Variants in PTPN12 observed in about 807,000 individuals in gnomAD.
PTPN12 encodes tyrosine-protein phosphatase non-receptor type 12.
A neutral mutation model predicts 97.6 loss-of-function variants in PTPN12; 29 were observed. That is an observed-to-expected ratio of 0.30 (90% CI 0.22 to 0.41). The LOEUF (loss-of-function observed/expected upper bound fraction) is 0.41. Among genes scored for constraint, PTPN12 ranks in the 10% least tolerant of loss-of-function variants. The pLI is 1.00. For synonymous variants in PTPN12, 327 were observed against 300.4 expected (o/e 1.09, Z -0.91); for missense variants, 819 against 926.0 (o/e 0.88, Z 1.50).
At chr7:77,595,513 C>A (rs1361027681) in intron 6 of PTPN12, among the ~76,000 whole-genome samples, 2 of 152,138 alleles carry the variant, frequency 1.3e-5, no homozygotes, top group Non-Finnish European at 2.9e-5. Context: ...CAGCACACTA[C>A]CCATGGCTCA....
chr7:77,617,252 G>A (rs1404087220), intron 11 of PTPN12, among the ~76,000 whole-genome samples: 1 of 152,102 alleles, frequency 6.6e-6, no homozygotes, highest in African/African-American at 2.4e-5. Context: ...CCCTGATTTA[G>A]ACAATAAATT....
chr7:77,580,712 ATAAC>A (rs1250245683), intron 2 of PTPN12, among the ~76,000 whole-genome samples: 1 of 152,180 alleles, frequency 6.6e-6, no homozygotes, highest in Non-Finnish European at 1.5e-5. Flanking sequence ...TTACCTAATA[ATAAC>A]TATTATTAGC....
At chr7:77,602,518 G>A (rs2151362400) in intron 8 of PTPN12, among the ~76,000 whole-genome samples, 1 of 151,990 alleles carries the variant, frequency 6.6e-6, no homozygotes, top group South Asian at 2.1e-4. Context: ...GCTTTGGGAG[G>A]CCGAGGCAGG....
chr7:77,625,551 C>A (rs1789139516), intron 12 of PTPN12, among the ~76,000 whole-genome samples: 1 of 96,900 alleles, frequency 1.0e-5, no homozygotes. Flanking sequence ...CGCTCTCTCT[C>A]TCGCTCTCTC....
At chr7:77,611,169 A>C in intron 11 of PTPN12, 123 bp downstream of exon 11, 1 of 696,398 alleles carries the variant, frequency 1.4e-6, no homozygotes, top group Non-Finnish European at 2.4e-6. Context: ...GACACTTAAC[A>C]TTTTTACTTA....
chr7:77,634,776 C>T (rs1789530273), intron 14 of PTPN12, among the ~76,000 whole-genome samples: 1 of 151,414 alleles, frequency 6.6e-6, no homozygotes, highest in South Asian at 2.1e-4. Context: ...GACAGGGTTT[C>T]ACCATGTTAG....
intron 7 of PTPN12, among the ~76,000 whole-genome samples, chr7:77,600,380 T>G (rs1378730787): frequency 6.6e-6 from 1 of 152,196 alleles, no homozygotes; most frequent in Non-Finnish European, 1.5e-5. Context: ...TGTCACTTCT[T>G]AGGAAAGTTT....
intron 1 of PTPN12, among the ~76,000 whole-genome samples, chr7:77,568,603 ACT>A (rs1808350632): frequency 6.6e-6 from 1 of 152,240 alleles, no homozygotes; most frequent in South Asian, 2.1e-4. Context: ...TGATCATGCC[ACT>A]GCATTCCAGT....
chr7:77,597,708 A>G (rs1399554013), intron 6 of PTPN12, 134 bp from the exon 7 acceptor site: 42 of 1,182,374 alleles, frequency 3.6e-5, no homozygotes, highest in African/African-American at 4.7e-5. Context: ...GAATTTTTTT[A>G]TAATTATCAG....
At chr7:77,583,363 G>A (rs1252363067) in intron 3 of PTPN12, among the ~76,000 whole-genome samples, 192 bp from the exon 4 acceptor site, 1 of 152,122 alleles carries the variant, frequency 6.6e-6, no homozygotes, top group East Asian at 1.9e-4. Flanking sequence ...CAAAGTAATA[G>A]CAGTCATCAA....
At chr7:77,596,051 G>A (rs1788013014) in intron 6 of PTPN12, among the ~76,000 whole-genome samples, 1 of 152,268 alleles carries the variant, frequency 6.6e-6, no homozygotes, top group South Asian at 2.1e-4. Context: ...AGGTAAAATG[G>A]TTGAAGATAG....
chr7:77,601,750 C>G (rs1463879871), intron 8 of PTPN12, among the ~76,000 whole-genome samples: 1 of 151,994 alleles, frequency 6.6e-6, no homozygotes, highest in Non-Finnish European at 1.5e-5. Flanking sequence ...TGTTTTTATT[C>G]TTGGGGAACA....
At chr7:77,537,727 T>C in intron 1 of PTPN12, 82 bp downstream of exon 1, 1 of 1,443,424 alleles carries the variant, frequency 6.9e-7, no homozygotes, top group Non-Finnish European at 9.3e-7. Flanking sequence ...CGCCAGTGCT[T>C]TGTGTACCTC....
chr7:77,554,283 A>T (rs1404911781), intron 1 of PTPN12, among the ~76,000 whole-genome samples: 1 of 152,144 alleles, frequency 6.6e-6, no homozygotes, highest in Non-Finnish European at 1.5e-5. Flanking sequence ...TCACTTTTTT[A>T]AGTGGTTGCT....
intron 14 of PTPN12, among the ~76,000 whole-genome samples, chr7:77,633,339 T>C (rs894224484): frequency 5.3e-5 from 8 of 151,994 alleles, no homozygotes; most frequent in South Asian, 4.2e-4. Flanking sequence ...ATAGCACTTA[T>C]TGACTCATGC....
chr7:77,603,883 C>CTTTTTTTTTTTTTT (rs773037726), intron 8 of PTPN12, among the ~76,000 whole-genome samples: 20 of 87,874 alleles, frequency 2.3e-4, no homozygotes, highest in African/African-American at 3.5e-4. Context: ...TTTTTGTTTG[C>CTTTTTTTTTTTTTT]TTTTTTTTTT....
At chr7:77,619,577 A>G (rs1323651898) in intron 12 of PTPN12, among the ~76,000 whole-genome samples, 1 of 152,212 alleles carries the variant, frequency 6.6e-6, no homozygotes, top group Non-Finnish European at 1.5e-5. Flanking sequence ...TCTGGTATAA[A>G]GAGGCTTTTT....
At chr7:77,565,664 TAA>T (rs1354894890) in intron 1 of PTPN12, among the ~76,000 whole-genome samples, 1 of 152,254 alleles carries the variant, frequency 6.6e-6, no homozygotes, top group Non-Finnish European at 1.5e-5. Flanking sequence ...GTGGGTATCT[TAA>T]AGTCACATTG....
At chr7:77,610,708 A>G in intron 9 of PTPN12, 57 bp from the exon 10 acceptor site, 2 of 1,497,034 alleles carry the variant, frequency 1.3e-6, no homozygotes, top group East Asian at 4.6e-5. Context: ...GCTGAAGAAG[A>G]TTTTACTATT....
Sources: allele counts gnomAD v4.1 joint callset (sites outside exome capture counted in the v4.1 genomes callset), GRCh38; gene constraint gnomAD v4.1.1; transcripts MANE v1.5; gene names NCBI Gene and HGNC (gene_info 2026-07-23, HGNC 2026-07-21).